Variants in DOK7 observed in about 807,000 individuals in gnomAD.
DOK7 encodes the protein docking protein 7.
In DOK7, 32 loss-of-function variants were observed where a neutral mutation model predicts 30.7. The ratio of observed to expected loss-of-function variants is 1.04; its 90% CI spans 0.79 to 1.40. The LOEUF is 1.40. DOK7 is among the 40% of genes most tolerant of loss of function. DOK7 has a pLI of 0.00. For missense variants in DOK7, 1,007 were observed against 699.2 expected (o/e 1.44, Z -4.97); for synonymous variants, 447 against 324.1 (o/e 1.38, Z -4.07).
At chr4:3,500,675 C>A in intron 7 of DOK7, 1 of 1,535,842 alleles carries the variant, frequency 6.5e-7, no homozygotes, top group East Asian at 2.4e-5. Flanking sequence ...CTGCCGCTCA[C>A]TACAGAATTC....
At chr4:3,465,554 C>G (rs777754343) in intron 2 of DOK7, among the ~76,000 whole-genome samples, 1 of 152,222 alleles carries the variant, frequency 6.6e-6, no homozygotes, top group Non-Finnish European at 1.5e-5. Flanking sequence ...GGAAGGGCCC[C>G]GATGTGCACC....
At chr4:3,499,092 G>A (rs1043788708), downstream of DOK7, among the ~76,000 whole-genome samples, 1 of 152,248 alleles carries the variant, frequency 6.6e-6, no homozygotes, top group Non-Finnish European at 1.5e-5. Context: ...GTCTGCGGCA[G>A]GTGCCGGGCA....
downstream of DOK7, chr4:3,496,912 G>C: frequency 6.6e-7 from 1 of 1,508,028 alleles, no homozygotes; most frequent in Non-Finnish European, 8.9e-7. Flanking sequence ...GAAGGCGGGA[G>C]TCTGGGTGGG....
chr4:3,468,133 T>C (rs943667250), intron 2 of DOK7, among the ~76,000 whole-genome samples: 7 of 152,114 alleles, frequency 4.6e-5, no homozygotes, highest in African/African-American at 1.7e-4. Flanking sequence ...TGAATACCTG[T>C]GTGTGCAGGT....
chr4:3,486,678 TC>T lies in DOK7; in HGVS notation c.652+1021del, dbSNP rs1727815525. On this transcript the variant is annotated intron_variant, in intron 5 of 6. Coordinates refer to ENST00000340083, the MANE Select transcript of DOK7 (RefSeq NM_173660.5). ...TGGTGCAGCTGCACCCCTGTAGGTG[TC>T]TTCCTGCCTAGTGGATGCACCCCTG... is the stretch of plus-strand genomic sequence containing the variant. 8.5e-5 allele frequency among the ~76,000 whole-genome samples: 7 copies of T among 82,168 alleles called. No homozygotes were observed. The South Asian group carries it at 3.5e-3, about 41-fold the overall frequency. 53.9% of individuals were successfully genotyped at this position (82,168 alleles called of 152,430 possible).
rs960878336 is a variant in DOK7, at chr4:3,493,607, G to A, written c.*106G>A. On this transcript the variant is annotated 3_prime_UTR_variant, in exon 7 of 7. Coordinates refer to ENST00000340083, the MANE Select transcript of DOK7 (RefSeq NM_173660.5). ...CAGACTGGTGCTCTGTGTTCTGTGGGAGGGACCGGGGGTCTCCCGGAGAGG... is the reference window on the plus strand; with the variant it reads ...CAGACTGGTGCTCTGTGTTCTGTGGAAGGGACCGGGGGTCTCCCGGAGAGG... 9 of 1,524,116 alleles carry A rather than the reference G, an allele frequency of 5.9e-6. No individual in the cohort carries two copies. The highest frequency in any genetic ancestry group is 4.4e-4 in the Middle Eastern group (2 of 4,512). 94.4% of individuals were successfully genotyped at this position (1,524,116 alleles called of 1,614,324 possible). A position where few individuals can be genotyped will look rare whatever the true frequency, so the allele number is the denominator to read the frequency against.
intron 2 of DOK7, among the ~76,000 whole-genome samples, chr4:3,470,667 T>G (rs1433363339): frequency 1.3e-5 from 2 of 152,226 alleles, no homozygotes; most frequent in Non-Finnish European, 2.9e-5. Flanking sequence ...GGCCAAATCC[T>G]GCCGGAACCT....
intron 7 of DOK7, chr4:3,500,623 G>C (rs1729140971): frequency 3.3e-6 from 5 of 1,534,152 alleles, no homozygotes; most frequent in Non-Finnish European, 4.4e-6. Flanking sequence ...GGGGACTGGT[G>C]TGGAGGGCAG....
Position 3,494,476 on chromosome 4 carries a change from TTC to T in DOK7, c.*976_*977del. On this transcript the variant is annotated 3_prime_UTR_variant, in exon 7 of 7. Coordinates refer to ENST00000340083, the MANE Select transcript of DOK7 (RefSeq NM_173660.5). The stretch of plus-strand genomic sequence containing the variant: ...TAATAGACTGGAAATAAAATGTTCT[TTC>T]CTTACCACCTTGTCCTAGTCCGTTG... 3 of 985,480 alleles carry T rather than the reference TTC, an allele frequency of 3.0e-6. No homozygotes were observed. Among genetic ancestry groups the T allele is most frequent in the South Asian group, 4.7e-5 (1 of 21,294 alleles). 61.0% of individuals were successfully genotyped at this position (985,480 alleles called of 1,614,324 possible).
At chr4:3,469,125 T>C (rs1415211944) in intron 2 of DOK7, among the ~76,000 whole-genome samples, 1 of 145,494 alleles carries the variant, frequency 6.9e-6, no homozygotes, top group East Asian at 2.1e-4. Context: ...TGTGCACACA[T>C]TGTGTGTGTG....
At chr4:3,500,838 A>T (rs1162513719) in exon 8 of DOK7, 1 of 1,524,320 alleles carries the variant, frequency 6.6e-7, no homozygotes, top group African/African-American at 1.4e-5. Context: ...TCACAGCGCC[A>T]GGAGCTGACC....
chr4:3,467,550 C>T (rs1171980192), intron 2 of DOK7, among the ~76,000 whole-genome samples: 4 of 145,776 alleles, frequency 2.7e-5, no homozygotes, highest in South Asian at 2.2e-4. Context: ...GCAGGGGGAG[C>T]GTGTGTGCAC....
downstream of DOK7, among the ~76,000 whole-genome samples, chr4:3,496,206 A>G (rs993484543): frequency 4.6e-5 from 7 of 152,334 alleles, no homozygotes; most frequent in East Asian, 9.6e-4. Flanking sequence ...AGGCTCCTCC[A>G]GGGACTTGGG....
At chr4:3,490,695 TC>T (rs1387418174) in intron 6 of DOK7, among the ~76,000 whole-genome samples, 1 of 52,400 alleles carries the variant, frequency 1.9e-5, no homozygotes, top group Non-Finnish European at 3.8e-5. Flanking sequence ...CTTCCTTCCT[TC>T]CCCCCTCATG....
chr4:3,468,517 T>G (rs1005335690), intron 2 of DOK7, among the ~76,000 whole-genome samples: 1 of 106,886 alleles, frequency 9.4e-6, no homozygotes, highest in Non-Finnish European at 2.0e-5. Context: ...TGTGCGTGTA[T>G]GAGTGTGTGT....
In DOK7 at chr4:3,494,410, T is replaced by G; in HGVS notation, c.*909T>G. 1 of 985,798 alleles carries G rather than the reference T, an allele frequency of 1.0e-6. No homozygotes were observed. The highest frequency in any genetic ancestry group is 4.7e-5 in the South Asian group (1 of 21,302). 61.1% of individuals were successfully genotyped at this position (985,798 alleles called of 1,614,324 possible). On this transcript the variant is annotated 3_prime_UTR_variant, in exon 7 of 7. Coordinates refer to ENST00000340083, the MANE Select transcript of DOK7 (RefSeq NM_173660.5). ...GCAGCTCCCTGTGAACACCTCTTTG[T>G]CCCTTCACTGTCAGCTGTTTCTAAA...
At chr4:3,465,171 C>A (rs1219939685) in intron 2 of DOK7, among the ~76,000 whole-genome samples, 1 of 152,178 alleles carries the variant, frequency 6.6e-6, no homozygotes, top group Non-Finnish European at 1.5e-5. Flanking sequence ...GAAACTGACA[C>A]CCTGTGGGGT....
downstream of DOK7, among the ~76,000 whole-genome samples, chr4:3,497,369 G>C (rs987632249): frequency 6.6e-6 from 1 of 152,072 alleles, no homozygotes; most frequent in Non-Finnish European, 1.5e-5. Context: ...GCAGGGCATT[G>C]GTGCCCTGGC....
chr4:3,493,125 C>T lies in DOK7; in HGVS notation c.1139C>T (p.Ala380Val), dbSNP rs766061571. ...GSLLSLPAAG[A>V]PEPSLCTCLP... ...CTGCTCAGCCTGCCAGCAGCGGGGG[C>T]CCCCGAGCCCAGCCTGTGCACCTGC... The change falls in exon 7 of 7, where the codon GCC becomes GTC. Residue 380 changes from alanine to valine, a missense_variant. Physicochemically the swap from Ala to Val is moderately conservative, Grantham distance 64. Transcript: ENST00000340083. 5.0e-6 allele frequency: 8 copies of T among 1,591,696 alleles called. No homozygotes were observed. The African/African-American group carries it at 5.4e-5, about 11-fold the overall frequency.
Sources: allele counts gnomAD v4.1 joint callset (sites outside exome capture counted in the v4.1 genomes callset), GRCh38; gene constraint gnomAD v4.1.1; transcripts MANE v1.5; gene names NCBI Gene and HGNC (gene_info 2026-07-23, HGNC 2026-07-21).